FOCAD: variants seen among roughly 807,000 people sequenced by gnomAD.
FOCAD encodes the protein KIAA1797.
A neutral mutation model predicts 225.6 loss-of-function variants in FOCAD; 198 were observed. The observed-to-expected ratio is 0.88, with a 90% CI of 0.78 to 0.99. The LOEUF (loss-of-function observed/expected upper bound fraction) is 0.99. FOCAD is among the 50% of genes least tolerant of loss of function. The pLI, the probability that FOCAD is intolerant of heterozygous loss-of-function variation, is 0.00. For missense variants in FOCAD, 2,713 were observed against 2,123.6 expected (o/e 1.28, Z -5.46); for synonymous variants, 897 against 755.0 (o/e 1.19, Z -3.08).
At chr9:20,815,680 G>A (rs2131381283) in intron 11 of FOCAD, among the ~76,000 whole-genome samples, 1 of 152,138 alleles carries the variant, frequency 6.6e-6, no homozygotes, top group East Asian at 1.9e-4. Flanking sequence ...GCTGGAGGAG[G>A]GAAGAGAAAG....
upstream of FOCAD, chr9:20,684,024 CCCCCGCGCGCAGCCCT>C (rs1345470676): frequency 2.0e-5 from 3 of 152,506 alleles, 1 homozygote; most frequent in East Asian, 5.8e-4. Flanking sequence ...CCACAGCCAG[CCCCCGCGCGCAGCCCT>C]CCCCGCACCA....
At chr9:20,973,218 C>G (rs1185214346) in intron 35 of FOCAD, among the ~76,000 whole-genome samples, 2 of 151,872 alleles carry the variant, frequency 1.3e-5, no homozygotes, top group East Asian at 1.9e-4. Flanking sequence ...GTTCCCTCTT[C>G]TTTCAGCATC....
At chr9:20,868,142 A>G (rs1829449941) in intron 18 of FOCAD, among the ~76,000 whole-genome samples, 1 of 152,098 alleles carries the variant, frequency 6.6e-6, no homozygotes, top group African/African-American at 2.4e-5. Context: ...CATTATGATG[A>G]CCAGCAATAC....
intron 11 of FOCAD, among the ~76,000 whole-genome samples, chr9:20,814,155 TTTGA>T (rs1256194974): frequency 1.3e-5 from 2 of 152,166 alleles, no homozygotes; most frequent in Non-Finnish European, 2.9e-5. Flanking sequence ...ACTGTATGTC[TTTGA>T]TTGAGCAGTT....
At chr9:20,847,500 G>C (rs900362210) in intron 15 of FOCAD, among the ~76,000 whole-genome samples, 1 of 149,410 alleles carries the variant, frequency 6.7e-6, no homozygotes, top group Non-Finnish European at 1.5e-5. Context: ...GATTCATGCA[G>C]TATTGTTTTC....
chr9:20,726,650 G>C (rs969881375), intron 4 of FOCAD, among the ~76,000 whole-genome samples: 4 of 152,148 alleles, frequency 2.6e-5, no homozygotes, highest in African/African-American at 9.7e-5. Context: ...TGGATTCAGT[G>C]AGTCTTTGAT....
At chr9:20,965,718 A>C (rs1002135571) in intron 35 of FOCAD, among the ~76,000 whole-genome samples, 9 of 152,196 alleles carry the variant, frequency 5.9e-5, no homozygotes, top group African/African-American at 1.9e-4. Context: ...CCTAGCAACC[A>C]ATAATTTGCT....
chr9:20,656,163 C>A (rs975163161), upstream of FOCAD, among the ~76,000 whole-genome samples: 8 of 149,456 alleles, frequency 5.4e-5, no homozygotes, highest in East Asian at 1.9e-4. Flanking sequence ...AATTTCTGTT[C>A]TTTTACATTT....
chr9:20,971,442 T>A (rs1212965294), intron 35 of FOCAD, among the ~76,000 whole-genome samples: 2 of 151,992 alleles, frequency 1.3e-5, no homozygotes, highest in Non-Finnish European at 2.9e-5. Context: ...TTTTTTTTAT[T>A]TTTTTTGGTG....
intron 1 of FOCAD, among the ~76,000 whole-genome samples, chr9:20,694,301 TGTTTTATTATTCAAAATAAAG>T (rs1363818180): frequency 9.2e-5 from 14 of 152,232 alleles, no homozygotes; most frequent in South Asian, 2.1e-4. Flanking sequence ...ATAAGAGAAG[TGTTTTATTATTCAAAATAAAG>T]GTTTTATTAT....
intron 10 of FOCAD, among the ~76,000 whole-genome samples, 168 bp downstream of exon 10, chr9:20,782,097 A>T (rs577989204): frequency 1.6e-4 from 23 of 144,990 alleles, no homozygotes; most frequent in African/African-American, 6.6e-4. Flanking sequence ...ATAAGAAGGG[A>T]TAGTAGTCCT....
intron 15 of FOCAD, among the ~76,000 whole-genome samples, chr9:20,828,630 T>G (rs917207307): frequency 6.6e-6 from 1 of 152,068 alleles, no homozygotes; most frequent in East Asian, 1.9e-4. Flanking sequence ...TTTTAAAAAT[T>G]TTGATTTTTA....
chr9:20,686,622 AAG>A (rs920089369), intron 1 of FOCAD, among the ~76,000 whole-genome samples: 2 of 152,268 alleles, frequency 1.3e-5, no homozygotes, highest in African/African-American at 4.8e-5. Context: ...ATGTATAACA[AAG>A]AACTTGGTTT....
rs114153137 is a variant in FOCAD at position 20,835,300 on chromosome 9, T to C, written c.1920+12185T>C. Among the ~76,000 whole-genome samples the C allele has an allele frequency of 5.1e-4, 77 of 152,224 alleles. 1 individual carries two copies. Among genetic ancestry groups the C allele is most frequent in the African/African-American group, 1.7e-3 (71 of 41,564 alleles). ...AATGTAGGTGATATTTACTAATGGG[T>C]TTAGAAAGTCTAAGTAACATACCCA... On this transcript the variant is annotated intron_variant, in intron 15 of 43. Transcript: ENST00000338382.
intron 1 of FOCAD, among the ~76,000 whole-genome samples, chr9:20,700,391 C>T (rs1211627728): frequency 6.6e-6 from 1 of 150,524 alleles, no homozygotes; most frequent in Non-Finnish European, 1.5e-5. Flanking sequence ...TACATGTGTT[C>T]TTTGATTTTT....
intron 11 of FOCAD, among the ~76,000 whole-genome samples, chr9:20,794,775 G>A (rs1210207535): frequency 1.3e-5 from 2 of 152,032 alleles, no homozygotes; most frequent in Non-Finnish European, 2.9e-5. Context: ...TACCATTGGT[G>A]GATTATCTTC....
intron 42 of FOCAD, among the ~76,000 whole-genome samples, chr9:20,992,069 A>T (rs764524505): frequency 5.9e-5 from 9 of 152,218 alleles, no homozygotes; most frequent in African/African-American, 1.7e-4. Context: ...TCTTTCTTCA[A>T]TCTAGCTTCT....
chr9:20,870,972 G>A (rs1168795774), intron 18 of FOCAD, among the ~76,000 whole-genome samples: 2 of 152,082 alleles, frequency 1.3e-5, no homozygotes, highest in Non-Finnish European at 2.9e-5. Context: ...GGAGGCCAAG[G>A]CAGGCAGATC....
At chr9:20,876,713 G>A (rs536060461) in intron 19 of FOCAD, among the ~76,000 whole-genome samples, 2 of 152,216 alleles carry the variant, frequency 1.3e-5, no homozygotes, top group Admixed American at 1.3e-4. Flanking sequence ...GTGTCCCTTT[G>A]ATTATTACAG....
Sources: gnomAD v4.1 joint callset for allele counts (sites outside exome capture counted in the v4.1 genomes callset) on GRCh38, gnomAD v4.1.1 for gene constraint, MANE v1.5 for transcripts, NCBI Gene and HGNC (gene_info 2026-07-23, HGNC 2026-07-21) for gene names.